IL1RAPL1: variants seen among roughly 807,000 people sequenced by gnomAD.
IL1RAPL1 encodes interleukin-1 receptor accessory protein-like 1.
A neutral mutation model predicts 48.4 loss-of-function variants in IL1RAPL1; 3 were observed. The observed-to-expected ratio is 0.06, with a 90% CI of 0.03 to 0.16. IL1RAPL1 has a LOEUF of 0.16. Ranked by LOEUF, IL1RAPL1 falls within the 10% of genes least tolerant of loss-of-function variation. The probability of loss-of-function intolerance (pLI) is 1.00; values close to 1 mark genes in which losing one functional copy is unlikely to be tolerated. For missense variants in IL1RAPL1, 349 were observed against 530.6 expected, an observed-to-expected ratio of 0.66 and a Z score of 3.36; for synonymous variants, 185 against 187.7, an observed-to-expected ratio of 0.99 and a Z score of 0.12.
chrX:29,388,413 G>A (rs1419055857), intron 3 of IL1RAPL1, among the ~76,000 whole-genome samples: 5 of 111,663 alleles, frequency 4.5e-5, no homozygotes, highest in Non-Finnish European at 9.4e-5. Context: ...ATATGACCCA[G>A]CAATTCAAAT....
At chrX:29,952,529 TAATG>T (rs1158919410) in intron 9 of IL1RAPL1, among the ~76,000 whole-genome samples, 6 of 112,162 alleles carry the variant, frequency 5.3e-5, no homozygotes, top group South Asian at 3.7e-4. Context: ...TGTGAATAGT[TAATG>T]AATATTTTAA....
At chrX:29,852,085 A>G (rs1260743296) in intron 6 of IL1RAPL1, among the ~76,000 whole-genome samples, 1 of 112,787 alleles carries the variant, frequency 8.9e-6, no homozygotes, top group Non-Finnish European at 1.9e-5. Flanking sequence ...TACAGCAATG[A>G]AAACGTAAAT....
At chrX:28,795,852 G>A (rs1342792058) in intron 2 of IL1RAPL1, among the ~76,000 whole-genome samples, 1 of 110,806 alleles carries the variant, frequency 9.0e-6, no homozygotes, top group Non-Finnish European at 1.9e-5. Flanking sequence ...GCAAATGGTA[G>A]GCAATATAAG....
chrX:29,744,755 G>T (rs5928247), intron 6 of IL1RAPL1, among the ~76,000 whole-genome samples: 38 of 110,760 alleles, frequency 3.4e-4, no homozygotes, highest in African/African-American at 1.2e-3. Context: ...TTAAAAATGA[G>T]TCGTTTTTTA....
intron 2 of IL1RAPL1, among the ~76,000 whole-genome samples, chrX:29,164,401 T>A (rs112552922): frequency 8.9e-6 from 1 of 111,850 alleles, no homozygotes; most frequent in Non-Finnish European, 1.9e-5. Flanking sequence ...ACAAAAAAAA[T>A]TCCTTTGGAG....
chrX:29,146,322 CCTT>C (rs777622939), intron 2 of IL1RAPL1, among the ~76,000 whole-genome samples: 322 of 111,504 alleles, frequency 2.9e-3, no homozygotes, highest in Non-Finnish European at 5.0e-3. Flanking sequence ...CACTCCTTCA[CCTT>C]CTTCAGGTCT....
intron 6 of IL1RAPL1, among the ~76,000 whole-genome samples, chrX:29,902,547 A>C (rs1040188967): frequency 3.6e-5 from 4 of 110,544 alleles, no homozygotes; most frequent in Admixed American, 1.9e-4. Flanking sequence ...TTCCAAGTTC[A>C]CTGCGCAGCC....
intron 5 of IL1RAPL1, among the ~76,000 whole-genome samples, chrX:29,638,464 T>C (rs762939100): frequency 9.0e-6 from 1 of 111,448 alleles, no homozygotes; most frequent in East Asian, 2.8e-4. Flanking sequence ...AAAGACTAGT[T>C]GTTAAGCAAA....
At chrX:29,586,975 G>A (rs953957938) in intron 5 of IL1RAPL1, among the ~76,000 whole-genome samples, 2 of 66,563 alleles carry the variant, frequency 3.0e-5, no homozygotes, top group African/African-American at 2.1e-4. Flanking sequence ...TTGCTAATGG[G>A]AACAGTTTTT....
chrX:29,392,157 C>T (rs1306655909), intron 3 of IL1RAPL1, among the ~76,000 whole-genome samples: 3 of 111,994 alleles, frequency 2.7e-5, no homozygotes, highest in Admixed American at 1.9e-4. Context: ...GTCTCTCTAG[C>T]CATTTTATAA....
intron 6 of IL1RAPL1, among the ~76,000 whole-genome samples, chrX:29,757,203 A>C (rs1928639412): frequency 8.9e-6 from 1 of 112,239 alleles, no homozygotes; most frequent in African/African-American, 3.2e-5. Context: ...TAATATTTTT[A>C]AGTATATACA....
chrX:29,842,624 G>A (rs999688427), intron 6 of IL1RAPL1, among the ~76,000 whole-genome samples: 43 of 112,180 alleles, frequency 3.8e-4, no homozygotes, highest in Non-Finnish European at 1.3e-4. Flanking sequence ...TCATTCATGT[G>A]AAGATGTGAT....
intron 1 of IL1RAPL1, among the ~76,000 whole-genome samples, chrX:28,729,707 T>C (rs993470507): frequency 9.0e-6 from 1 of 111,566 alleles, no homozygotes; most frequent in African/African-American, 3.3e-5. Flanking sequence ...AGTTAGAAGA[T>C]AGGGATGAGG....
In IL1RAPL1 at chrX:29,784,875, T is replaced by G. The variant is rs142331504; in HGVS notation, c.778+116371T>G. ...TGCCAATTTCAGATTACATGCATCTTAGGAAGAATAAGATGTTCTAATCTT... is the reference window on the plus strand; with the variant it reads ...TGCCAATTTCAGATTACATGCATCTGAGGAAGAATAAGATGTTCTAATCTT... On this transcript the variant is annotated intron_variant, in intron 6 of 10. Transcript: ENST00000378993. Among the ~76,000 whole-genome samples the G allele has an allele frequency of 3.1e-3, 343 of 111,914 alleles. 3 individuals carry two copies. The highest frequency in any genetic ancestry group is 0.011 in the African/African-American group (331 of 30,886).
intron 6 of IL1RAPL1, among the ~76,000 whole-genome samples, chrX:29,911,784 T>C (rs1344523217): frequency 8.9e-6 from 1 of 112,133 alleles, no homozygotes; most frequent in Non-Finnish European, 1.9e-5. Context: ...ATTAACATTT[T>C]CCCTGTCACA....
intron 5 of IL1RAPL1, among the ~76,000 whole-genome samples, chrX:29,636,165 A>G (rs1359950746): frequency 8.9e-6 from 1 of 112,158 alleles, no homozygotes; most frequent in Admixed American, 9.5e-5. Flanking sequence ...AATGGTATGT[A>G]AAATCTGTAA....
At chrX:29,371,497 G>A (rs1302472876) in intron 3 of IL1RAPL1, among the ~76,000 whole-genome samples, 1 of 111,304 alleles carries the variant, frequency 9.0e-6, no homozygotes, top group Non-Finnish European at 1.9e-5. Context: ...TATTACATGG[G>A]TATATTGTGT....
chrX:29,798,013 A>G (rs1380799499), intron 6 of IL1RAPL1, among the ~76,000 whole-genome samples: 1 of 112,328 alleles, frequency 8.9e-6, no homozygotes, highest in Non-Finnish European at 1.9e-5. Flanking sequence ...TTAGAGACAC[A>G]GATTATCGGG....
intron 6 of IL1RAPL1, among the ~76,000 whole-genome samples, chrX:29,739,280 A>G (rs1928134248): frequency 8.8e-6 from 1 of 113,047 alleles, no homozygotes; most frequent in Non-Finnish European, 1.9e-5. Flanking sequence ...TGAATAACAG[A>G]TTATACATTT....
Sources: gnomAD v4.1 joint callset for allele counts (sites outside exome capture counted in the v4.1 genomes callset) on GRCh38, gnomAD v4.1.1 for gene constraint, MANE v1.5 for transcripts, NCBI Gene and HGNC (gene_info 2026-07-23, HGNC 2026-07-21) for gene names.